MFSD6: variants seen among roughly 807,000 people sequenced by gnomAD.
MFSD6 encodes the protein major facilitator superfamily domain-containing protein 6.
MFSD6 carries 26 observed loss-of-function variants against 56.3 expected under a neutral mutation model. The ratio of observed to expected loss-of-function variants is 0.46; its 90% CI spans 0.34 to 0.64. The LOEUF (loss-of-function observed/expected upper bound fraction) is 0.64. Ranked by LOEUF, MFSD6 falls within the 30% of genes least tolerant of loss-of-function variation. The probability of loss-of-function intolerance (pLI) is 0.01; values close to 1 mark genes in which losing one functional copy is unlikely to be tolerated. For synonymous variants in MFSD6, 331 were observed against 366.9 expected, an observed-to-expected ratio of 0.90 and a Z score of 1.12; for missense variants, 750 against 986.2, an observed-to-expected ratio of 0.76 and a Z score of 3.21.
chr2:190,458,995 T>G lies in MFSD6; in HGVS notation c.1533-10763T>G, dbSNP rs904821869. Reference sequence around the variant, plus strand: ...AAACAAGAACATCTGTTGTACTGACTGCTCCCAAGTCTGACGTAGAGAGTG... The same window carrying G: ...AAACAAGAACATCTGTTGTACTGACGGCTCCCAAGTCTGACGTAGAGAGTG... On this transcript the variant is annotated intron_variant, in intron 3 of 7. Transcript: ENST00000392328. The surrounding 1 kb of genome is among the most constrained non-coding windows in gnomAD (Gnocchi z 5.3). 2.6e-5 allele frequency among the ~76,000 whole-genome samples: 4 copies of G among 152,236 alleles called. No homozygotes were observed. Among genetic ancestry groups the G allele is most frequent in the African/African-American group, 9.6e-5 (4 of 41,460 alleles).
Position 190,425,449 on chromosome 2 carries a change from T to C in MFSD6, c.-54+10036T>C, listed in dbSNP as rs1327897052. Among the ~76,000 whole-genome samples the C allele has an allele frequency of 1.3e-5, 2 of 152,216 alleles. No homozygotes were observed. Among genetic ancestry groups the C allele is most frequent in the Non-Finnish European group, 2.9e-5 (2 of 68,044 alleles). On this transcript the variant is annotated intron_variant, in intron 2 of 7. Transcript: ENST00000392328. This position sits in a 1 kb window ranked among gnomAD's most constrained non-coding sequence, Gnocchi z 4.3. The stretch of plus-strand genomic sequence containing the variant: ...AAGCATTCAGTCTTTCACCATTAAG[T>C]GCAGTGTTACCCATGGGTTTCCGTA...
intron 2 of MFSD6, among the ~76,000 whole-genome samples, chr2:190,432,845 C>T (rs1041245592): frequency 1.3e-5 from 2 of 148,718 alleles, no homozygotes; most frequent in African/African-American, 5.0e-5. Flanking sequence ...CACACACTCT[C>T]TCTCTCTCTC....
In MFSD6 at chr2:190,496,368, T is replaced by G. The variant is rs565929321; in HGVS notation, c.1892-1071T>G. On this transcript the variant is annotated intron_variant, in intron 6 of 7. Coordinates refer to ENST00000392328, the MANE Select transcript of MFSD6 (RefSeq NM_017694.4). The surrounding 1 kb of genome is among the most constrained non-coding windows in gnomAD (Gnocchi z 4.7). Reference sequence around the variant, plus strand: ...TGTGGATGTAGTGAAAAGGAAACACTTCTACACTGCTGGTAGGAATGTAAG... The same window carrying G: ...TGTGGATGTAGTGAAAAGGAAACACGTCTACACTGCTGGTAGGAATGTAAG... 6.6e-6 allele frequency among the ~76,000 whole-genome samples: 1 copy of G among 152,324 alleles called. No individual in the cohort carries two copies. The highest frequency in any genetic ancestry group is 1.9e-4 in the East Asian group (1 of 5,188).
chr2:190,441,960 A>AC (rs1360799602), intron 3 of MFSD6, among the ~76,000 whole-genome samples: 1 of 152,190 alleles, frequency 6.6e-6, no homozygotes, highest in Non-Finnish European at 1.5e-5. Flanking sequence ...ATCCTGATCC[A>AC]CCACTCTTCA....
rs1685681619 is a variant in MFSD6 at position 190,423,110 on chromosome 2, T to C, written c.-54+7697T>C. On this transcript the variant is annotated intron_variant, in intron 2 of 7. Transcript: ENST00000392328. This position sits in a 1 kb window ranked among gnomAD's most constrained non-coding sequence, Gnocchi z 4.3. ...TGGATTCACATGTAGTTGTTAGAAA[T>C]AATAGAGCAATGTCCCATGTATCCT... 6.6e-6 allele frequency among the ~76,000 whole-genome samples: 1 copy of C among 152,246 alleles called. No homozygotes were observed. Among genetic ancestry groups the C allele is most frequent in the African/African-American group, 2.4e-5 (1 of 41,460 alleles).
Position 190,463,972 on chromosome 2 carries a change from CA to C in MFSD6, c.1533-5784del. ...CTGTGCTCCAGGGATCTGGTGTCAA[CA>C]ACCAGCTCTTTTCATTAGGAAATCT... is the stretch of plus-strand genomic sequence containing the variant. On this transcript the variant is annotated intron_variant, in intron 3 of 7. Transcript: ENST00000392328. The surrounding 1 kb of genome is among the most constrained non-coding windows in gnomAD (Gnocchi z 4.4). 1.2e-6 allele frequency: 1 copy of C among 816,088 alleles called. No homozygotes were observed. Among genetic ancestry groups the C allele is most frequent in the Non-Finnish European group, 1.5e-6 (1 of 675,494 alleles). 50.6% of individuals were successfully genotyped at this position (816,088 alleles called of 1,614,324 possible).
intron 4 of MFSD6, among the ~76,000 whole-genome samples, chr2:190,483,333 G>A (rs1688808590): frequency 6.6e-6 from 1 of 152,124 alleles, no homozygotes; most frequent in African/African-American, 2.4e-5. Flanking sequence ...AAGCACCTAA[G>A]CTCTGAACTT....
At chr2:190,473,034 G>T (rs1688043369) in intron 4 of MFSD6, among the ~76,000 whole-genome samples, 1 of 152,170 alleles carries the variant, frequency 6.6e-6, no homozygotes. Context: ...ACAAGCAAAT[G>T]CTGAGAGATT....
Position 190,437,519 on chromosome 2 carries a change from A to AT in MFSD6, c.1497dup (p.Ser500Ter). The AT allele has an allele frequency of 6.2e-7, 1 of 1,613,990 alleles. No homozygotes were observed. The highest frequency in any genetic ancestry group is 1.1e-5 in the South Asian group (1 of 91,072). ...AGTCATGTGTCTGAGCTGACAGCATATTTTTTTAGTCACAAGCTTATTGAA... is the reference window on the plus strand; with the variant it reads ...AGTCATGTGTCTGAGCTGACAGCATATTTTTTTTAGTCACAAGCTTATTGAA... On this transcript the variant is annotated frameshift_variant, in exon 3 of 8. Transcript: ENST00000392328. LOFTEE classifies it high-confidence loss of function. This position sits in a 1 kb window ranked among gnomAD's most constrained non-coding sequence, Gnocchi z 5.9.
rs1686636726 is a variant in MFSD6, at chr2:190,447,775, C to T, written c.1532+10214C>T. On this transcript the variant is annotated intron_variant, in intron 3 of 7. Transcript: ENST00000392328. This position sits in a 1 kb window ranked among gnomAD's most constrained non-coding sequence, Gnocchi z 4.5. ...TTTAAAATACAGGTTCTCATTATCA[C>T]ATTGTAAGCTATGGAGTCTCAAAAA... Among the ~76,000 whole-genome samples the T allele has an allele frequency of 6.6e-6, 1 of 152,184 alleles. No individual in the cohort carries two copies. Among genetic ancestry groups the T allele is most frequent in the African/African-American group, 2.4e-5 (1 of 41,444 alleles).
At position 190,438,018 on chromosome 2, in the gene MFSD6, A is replaced by G. The variant is rs1229378896; in HGVS notation, c.1532+457A>G. Among the ~76,000 whole-genome samples the G allele has an allele frequency of 1.3e-5, 2 of 152,184 alleles. No homozygotes were observed. The highest frequency in any genetic ancestry group is 2.9e-5 in the Non-Finnish European group (2 of 68,030). ...GATAGAGCCTGAATATATGGCATCT[A>G]AAGATGTCCATTATATCTAATAAGA... is the stretch of plus-strand genomic sequence containing the variant. On this transcript the variant is annotated intron_variant, in intron 3 of 7. Coordinates refer to ENST00000392328, the MANE Select transcript of MFSD6 (RefSeq NM_017694.4). This position sits in a 1 kb window ranked among gnomAD's most constrained non-coding sequence, Gnocchi z 5.2.
intron 4 of MFSD6, among the ~76,000 whole-genome samples, chr2:190,476,916 A>C (rs1688353599): frequency 6.6e-6 from 1 of 152,096 alleles, no homozygotes; most frequent in South Asian, 2.1e-4. Flanking sequence ...GACATGGATG[A>C]AGCTGGAAAC....
chr2:190,460,257 G>A (rs891140101), intron 3 of MFSD6, among the ~76,000 whole-genome samples: 1 of 152,092 alleles, frequency 6.6e-6, no homozygotes, highest in South Asian at 2.1e-4. Flanking sequence ...TTCAACCATA[G>A]CCTATTAATG....
Position 190,463,849 on chromosome 2 carries a change from A to T in MFSD6, c.1533-5909A>T. ...ATAAATAAATAAATAAAATAAAAAT[A>T]AAAAGCTGAGAATGATGGAGCCCAA... On this transcript the variant is annotated intron_variant, in intron 3 of 7. Transcript: ENST00000392328. The surrounding 1 kb of genome is among the most constrained non-coding windows in gnomAD (Gnocchi z 4.4). 3 of 975,556 alleles carry T rather than the reference A, an allele frequency of 3.1e-6. No homozygotes were observed. In the South Asian group the frequency reaches 1.4e-4, roughly 46 times the overall value. 60.4% of individuals were successfully genotyped at this position (975,556 alleles called of 1,614,324 possible).
chr2:190,498,034 T>C lies in MFSD6; in HGVS notation c.2172+315T>C. ...TTGTTTTAAATTTCAGTATTGATGG[T>C]TGTCTCTGTAATTCCAAAATTCTAG... On this transcript the variant is annotated intron_variant, in intron 7 of 7. Transcript: ENST00000392328. This position sits in a 1 kb window ranked among gnomAD's most constrained non-coding sequence, Gnocchi z 5.9. The C allele has an allele frequency of 4.6e-6, 1 of 216,452 alleles. No individual in the cohort carries two copies. Among genetic ancestry groups the C allele is most frequent in the Non-Finnish European group, 9.3e-6 (1 of 107,508 alleles). The allele number at this position is 216,452 out of a possible 1,614,324, so 13.4% of individuals were successfully genotyped here. A position where few individuals can be genotyped will look rare whatever the true frequency, so the allele number is the denominator to read the frequency against.
intron 4 of MFSD6, among the ~76,000 whole-genome samples, chr2:190,475,887 G>C (rs1574204741): frequency 6.6e-6 from 1 of 152,182 alleles, no homozygotes; most frequent in East Asian, 1.9e-4. Context: ...GAACAGAACA[G>C]AGCCCTCAGA....
At chr2:190,440,726 C>A (rs1029446072) in intron 3 of MFSD6, among the ~76,000 whole-genome samples, 4 of 152,190 alleles carry the variant, frequency 2.6e-5, no homozygotes, top group Non-Finnish European at 4.4e-5. Context: ...GAAATTCTTA[C>A]ACTCAAGGTC....
chr2:190,480,380 ATAGTTAG>A (rs1440027001), intron 4 of MFSD6, among the ~76,000 whole-genome samples: 1 of 151,812 alleles, frequency 6.6e-6, no homozygotes, highest in Admixed American at 6.6e-5. Flanking sequence ...ATCATGTACT[ATAGTTAG>A]TAGTTTATAA....
Position 190,499,953 on chromosome 2 carries a change from A to AT in MFSD6, c.2173-61dup, listed in dbSNP as rs1689940546. 2 of 1,605,504 alleles carry AT rather than the reference A, an allele frequency of 1.2e-6. No individual in the cohort carries two copies. The highest frequency in any genetic ancestry group is 1.7e-5 in the Admixed American group (1 of 59,882). On this transcript the variant is annotated intron_variant, in intron 7 of 7. Transcript: ENST00000392328. The surrounding 1 kb of genome is among the most constrained non-coding windows in gnomAD (Gnocchi z 6.0). ...TTTCCTGTCTTACTTGAAAGCATAT[A>AT]TAAAAAGTTGGATTTATTTGCTATC... is the stretch of plus-strand genomic sequence containing the variant.
Sources: gnomAD v4.1 joint callset for allele counts (sites outside exome capture counted in the v4.1 genomes callset) on GRCh38, gnomAD v4.1.1 for gene constraint, Gnocchi (gnomAD v3.1) non-coding constraint, MANE v1.5 for transcripts, NCBI Gene and HGNC (gene_info 2026-07-23, HGNC 2026-07-21) for gene names.